The following CTNNA3 variants were observed in gnomAD, a reference collection of about 807,000 sequenced individuals.
CTNNA3 encodes catenin alpha-3.
A neutral mutation model predicts 95.7 loss-of-function variants in CTNNA3; 76 were observed. The ratio of observed to expected loss-of-function variants is 0.79; its 90% CI spans 0.66 to 0.96. The LOEUF is 0.96. CTNNA3 is among the 40% of genes least tolerant of loss of function. CTNNA3 has a pLI of 0.00. For synonymous variants in CTNNA3, 431 were observed against 374.4 expected (o/e 1.15, Z -1.74); for missense variants, 1,191 against 1,089.8 (o/e 1.09, Z -1.31).
At chr10:67,508,602 T>C (rs979016803) in intron 5 of CTNNA3, among the ~76,000 whole-genome samples, 1 of 152,126 alleles carries the variant, frequency 6.6e-6, no homozygotes, top group Non-Finnish European at 1.5e-5. Flanking sequence ...GTTTTCACAA[T>C]TTTTTTAAAT....
intron 5 of CTNNA3, among the ~76,000 whole-genome samples, chr10:67,466,708 A>T (rs1387382465): frequency 1.3e-5 from 2 of 152,186 alleles, no homozygotes; most frequent in Non-Finnish European, 1.5e-5. Flanking sequence ...GTGTTTGAAA[A>T]TCTAAATAAT....
chr10:66,072,462 T>C (rs190380959), intron 14 of CTNNA3, among the ~76,000 whole-genome samples: 3 of 152,184 alleles, frequency 2.0e-5, no homozygotes, highest in Admixed American at 1.3e-4. Context: ...TGTTTTGTTT[T>C]AAGGCAGAGT....
chr10:66,416,932 T>C (rs576029487), intron 11 of CTNNA3, among the ~76,000 whole-genome samples: 6 of 151,962 alleles, frequency 3.9e-5, no homozygotes, highest in Admixed American at 3.9e-4. Flanking sequence ...TCCCTACAGA[T>C]AACTACCAAC....
intron 2 of CTNNA3, 40 bp from the exon 3 acceptor site, chr10:67,607,089 G>A (rs758737575): frequency 2.7e-6 from 4 of 1,472,104 alleles, no homozygotes; most frequent in African/African-American, 2.8e-5. Flanking sequence ...TTGACAAATT[G>A]TAAGGAGAAC....
intron 7 of CTNNA3, among the ~76,000 whole-genome samples, chr10:67,042,693 GA>G (rs935878322): frequency 1.3e-5 from 2 of 151,426 alleles, no homozygotes; most frequent in African/African-American, 2.4e-5. Context: ...ACTATTAGAG[GA>G]AAAAAAAGAG....
intron 9 of CTNNA3, among the ~76,000 whole-genome samples, chr10:66,666,022 A>G (rs1846439751): frequency 6.6e-6 from 1 of 152,136 alleles, no homozygotes; most frequent in African/African-American, 2.4e-5. Context: ...AGCTTTCTAG[A>G]ACTAGAAAAG....
chr10:65,989,434 C>A (rs138559551), intron 15 of CTNNA3, among the ~76,000 whole-genome samples: 78 of 152,208 alleles, frequency 5.1e-4, no homozygotes, highest in African/African-American at 1.8e-3. Flanking sequence ...GACCTAGATA[C>A]CTCAAGGCAA....
At chr10:67,527,254 C>T (rs527267438) in intron 4 of CTNNA3, among the ~76,000 whole-genome samples, 17 of 152,124 alleles carry the variant, frequency 1.1e-4, no homozygotes, top group African/African-American at 3.6e-4. Context: ...AAGACTTCAT[C>T]TCAAAGATAA....
intron 7 of CTNNA3, among the ~76,000 whole-genome samples, chr10:67,092,455 T>G (rs1195389776): frequency 6.6e-6 from 1 of 151,948 alleles, no homozygotes; most frequent in Non-Finnish European, 1.5e-5. Context: ...ATTTTGTACT[T>G]TAAAAATAAC....
intron 9 of CTNNA3, among the ~76,000 whole-genome samples, chr10:66,765,769 G>A (rs1839822156): frequency 6.6e-6 from 1 of 152,000 alleles, no homozygotes; most frequent in Non-Finnish European, 1.5e-5. Context: ...ATAGTTTTAT[G>A]GTCTTCTTTT....
At chr10:66,352,142 C>T (rs1162092900) in intron 12 of CTNNA3, among the ~76,000 whole-genome samples, 1 of 151,938 alleles carries the variant, frequency 6.6e-6, no homozygotes, top group African/African-American at 2.4e-5. Flanking sequence ...AGAATTTCAA[C>T]AAGCAAGCAA....
At chr10:66,056,687 G>T (rs1168644937) in intron 15 of CTNNA3, among the ~76,000 whole-genome samples, 1 of 152,128 alleles carries the variant, frequency 6.6e-6, no homozygotes, top group East Asian at 1.9e-4. Flanking sequence ...GGAGACTTCT[G>T]TTAATATCTC....
At position 66,539,631 on chromosome 10, in the gene CTNNA3, A is replaced by G. The variant is rs180751959; in HGVS notation, c.1375-18858T>C. On this transcript the variant is annotated intron_variant, in intron 10 of 17. Transcript: ENST00000433211. The stretch of plus-strand genomic sequence containing the variant: ...TCCTTTTAGATGCTTGAGGCCTTTT[A>G]CCTTCCCATGGGGATCTGGCTAAAG... Among the ~76,000 whole-genome samples, 14 of 152,252 alleles carry G rather than the reference A, an allele frequency of 9.2e-5. 1 individual carries two copies. Among genetic ancestry groups the G allele is most frequent in the African/African-American group, 2.9e-4 (12 of 41,570 alleles).
chr10:66,320,964 G>T (rs1272203756), intron 12 of CTNNA3, among the ~76,000 whole-genome samples: 1 of 151,926 alleles, frequency 6.6e-6, no homozygotes, highest in Non-Finnish European at 1.5e-5. Flanking sequence ...TTATTATTAA[G>T]ACATCAAACA....
At chr10:67,049,559 G>A (rs1220163205) in intron 7 of CTNNA3, among the ~76,000 whole-genome samples, 2 of 151,834 alleles carry the variant, frequency 1.3e-5, no homozygotes, top group African/African-American at 2.4e-5. Context: ...AAACTTCAAG[G>A]GTTTATTTCA....
At chr10:66,525,539 C>T (rs1177536424) in intron 10 of CTNNA3, among the ~76,000 whole-genome samples, 3 of 151,984 alleles carry the variant, frequency 2.0e-5, no homozygotes. Context: ...ATTTATGATG[C>T]TGTGAGTAAG....
At chr10:67,011,233 C>T (rs1293405186) in intron 7 of CTNNA3, among the ~76,000 whole-genome samples, 4 of 149,802 alleles carry the variant, frequency 2.7e-5, no homozygotes, top group Non-Finnish European at 5.9e-5. Context: ...CCCAGCTACT[C>T]GGGAGGCTGA....
At chr10:66,074,141 T>G (rs1028077381) in intron 14 of CTNNA3, among the ~76,000 whole-genome samples, 2 of 151,980 alleles carry the variant, frequency 1.3e-5, no homozygotes, top group African/African-American at 4.8e-5. Context: ...AGCACTTAAG[T>G]GCTTGAAATG....
chr10:66,444,337 C>A (rs1318191619), intron 11 of CTNNA3, among the ~76,000 whole-genome samples: 1 of 152,012 alleles, frequency 6.6e-6, no homozygotes, highest in African/African-American at 2.4e-5. Context: ...CACAAAGATA[C>A]TCCTCGAGAA....
Sources: allele counts gnomAD v4.1 joint callset (sites outside exome capture counted in the v4.1 genomes callset), GRCh38; gene constraint gnomAD v4.1.1; transcripts MANE v1.5; gene names NCBI Gene and HGNC (gene_info 2026-07-23, HGNC 2026-07-21).